The following SAXO1 variants were observed in gnomAD, a reference collection of about 807,000 sequenced individuals.
SAXO1 encodes the protein 4930500O09Rik.
A neutral mutation model predicts 17.5 loss-of-function variants in SAXO1; 21 were observed. That is an observed-to-expected ratio of 1.20 (90% CI 0.85 to 1.72). The LOEUF (loss-of-function observed/expected upper bound fraction) is 1.72, where lower values mean the gene tolerates loss of function less well. SAXO1 is among the 40% of genes most tolerant of loss of function. The pLI, the probability that SAXO1 is intolerant of heterozygous loss-of-function variation, is 0.00. For missense variants in SAXO1, 843 were observed against 596.0 expected (o/e 1.41, Z -4.32); for synonymous variants, 274 against 216.5 (o/e 1.27, Z -2.33).
chr9:19,024,546 A>G (rs1835393334), intron 1 of SAXO1, among the ~76,000 whole-genome samples: 1 of 152,108 alleles, frequency 6.6e-6, no homozygotes, highest in African/African-American at 2.4e-5. Flanking sequence ...ATAGATATGT[A>G]ACTAACCTGC....
chr9:19,019,431 G>A (rs918041136), intron 1 of SAXO1, among the ~76,000 whole-genome samples: 5 of 152,008 alleles, frequency 3.3e-5, no homozygotes, highest in African/African-American at 1.2e-4. Flanking sequence ...ACAAGAGTCA[G>A]AAAAAGTATA....
Position 19,029,798 on chromosome 9 carries a change from T to C in SAXO1, c.38+3073A>G, listed in dbSNP as rs994990520. On this transcript the variant is annotated intron_variant, in intron 1 of 3. Transcript: ENST00000380534. ...TTTATTTAACTTTCATTTATTTAAA[T>C]GAAATTGCCACAGCTGGCTACCATA... Among the ~76,000 whole-genome samples, 3 of 152,326 alleles carry C rather than the reference T, an allele frequency of 2.0e-5. No homozygotes were observed. The South Asian group carries it at 6.2e-4, about 32-fold the overall frequency.
chr9:19,018,343 T>C (rs959714128), intron 1 of SAXO1, among the ~76,000 whole-genome samples: 1 of 152,184 alleles, frequency 6.6e-6, no homozygotes, highest in Non-Finnish European at 1.5e-5. Flanking sequence ...CAGGAAGTCT[T>C]GATTCATGTA....
intron 1 of SAXO1, among the ~76,000 whole-genome samples, chr9:18,973,960 T>A (rs73645548): frequency 0.018 from 2,729 of 152,332 alleles, 68 homozygotes; most frequent in African/African-American, 0.06. Context: ...TGTACATACT[T>A]CCTTGCCTTA....
chr9:18,995,536 G>C (rs980360669), intron 1 of SAXO1, among the ~76,000 whole-genome samples: 1 of 152,098 alleles, frequency 6.6e-6, no homozygotes, highest in Non-Finnish European at 1.5e-5. Flanking sequence ...AGAACACAAG[G>C]GGATGCTGCT....
intron 1 of SAXO1, among the ~76,000 whole-genome samples, chr9:19,003,591 A>C (rs373915592): frequency 6.6e-6 from 1 of 152,194 alleles, no homozygotes; most frequent in African/African-American, 2.4e-5. Flanking sequence ...ATAACACTAC[A>C]CATCTACAAC....
chr9:19,038,706 T>C (rs1040009588), intron 1 of SAXO1, among the ~76,000 whole-genome samples: 2 of 151,476 alleles, frequency 1.3e-5, no homozygotes, highest in Admixed American at 6.6e-5. Context: ...TGTATACATA[T>C]GTAACTAACC....
At chr9:18,977,515 C>G (rs544799898) in intron 1 of SAXO1, among the ~76,000 whole-genome samples, 12 of 152,082 alleles carry the variant, frequency 7.9e-5, no homozygotes, top group Non-Finnish European at 1.5e-4. Context: ...AGATATATAG[C>G]TGATAAGGGG....
intron 2 of SAXO1, among the ~76,000 whole-genome samples, chr9:18,942,112 G>A (rs949262127): frequency 7.5e-6 from 1 of 133,788 alleles, no homozygotes; most frequent in Non-Finnish European, 1.5e-5. Context: ...CACCTCATTG[G>A]TTTTTCTTTC....
chr9:19,021,350 G>C (rs558113933), intron 1 of SAXO1, among the ~76,000 whole-genome samples: 1 of 152,226 alleles, frequency 6.6e-6, no homozygotes, highest in African/African-American at 2.4e-5. Flanking sequence ...TAAGGTCCGA[G>C]AAAGACACAT....
At chr9:18,978,749 A>C (rs1471716481) in intron 1 of SAXO1, among the ~76,000 whole-genome samples, 2 of 152,242 alleles carry the variant, frequency 1.3e-5, no homozygotes, top group African/African-American at 4.8e-5. Flanking sequence ...GGAAGATATT[A>C]TCAACAGTTT....
chr9:19,022,070 A>G (rs1041182066), intron 1 of SAXO1, among the ~76,000 whole-genome samples: 2 of 152,180 alleles, frequency 1.3e-5, no homozygotes, highest in East Asian at 1.9e-4. Flanking sequence ...GGTCCGCACT[A>G]TCTTTATGAG....
At chr9:18,964,318 A>G (rs1300380765) in intron 1 of SAXO1, among the ~76,000 whole-genome samples, 1 of 151,896 alleles carries the variant, frequency 6.6e-6, no homozygotes, top group East Asian at 1.9e-4. Flanking sequence ...CTCTTTTTCT[A>G]TTGTTTGGAA....
At chr9:18,965,375 G>C (rs1832673453) in intron 1 of SAXO1, among the ~76,000 whole-genome samples, 1 of 152,106 alleles carries the variant, frequency 6.6e-6, no homozygotes, top group African/African-American at 2.4e-5. Context: ...CTATTATTGT[G>C]TGCAAGTCTA....
chr9:18,965,460 ATAGT>A (rs1832676745), intron 1 of SAXO1, among the ~76,000 whole-genome samples: 1 of 152,118 alleles, frequency 6.6e-6, no homozygotes, highest in Admixed American at 6.6e-5. Context: ...TATATTTAGG[ATAGT>A]TAGCTCTTCT....
chr9:19,009,853 G>T (rs1442255596), intron 1 of SAXO1, among the ~76,000 whole-genome samples: 1 of 148,364 alleles, frequency 6.7e-6, no homozygotes, highest in Non-Finnish European at 1.5e-5. Context: ...TTGAGACAAG[G>T]TCTTGCTCTG....
intron 1 of SAXO1, among the ~76,000 whole-genome samples, chr9:19,008,866 A>T (rs1441620211): frequency 6.6e-6 from 1 of 152,132 alleles, no homozygotes; most frequent in Non-Finnish European, 1.5e-5. Context: ...GTTCTCTGGG[A>T]GCCCTTTTCA....
At position 18,966,218 on chromosome 9, in the gene SAXO1, TG is replaced by T. The variant is rs376016031; in HGVS notation, c.39-15282del. Among the ~76,000 whole-genome samples, 24 of 152,304 alleles carry T rather than the reference TG, an allele frequency of 1.6e-4. No homozygotes were observed. In the East Asian group the frequency reaches 4.0e-3, roughly 26 times the overall value. On this transcript the variant is annotated intron_variant, in intron 1 of 3. Transcript: ENST00000380534. ...TGGTCAATCTGATGATTATGTGTCT[TG>T]GGGTTGCTCTTCTTGTGGAGTATCT... is the stretch of plus-strand genomic sequence containing the variant.
intron 1 of SAXO1, among the ~76,000 whole-genome samples, chr9:18,952,340 T>C (rs1832068251): frequency 6.6e-6 from 1 of 152,186 alleles, no homozygotes; most frequent in African/African-American, 2.4e-5. Context: ...GGGAAGTACA[T>C]GGGGGAAGGG....
Sources: allele counts gnomAD v4.1 joint callset (sites outside exome capture counted in the v4.1 genomes callset), GRCh38; gene constraint gnomAD v4.1.1; transcripts MANE v1.5; gene names NCBI Gene and HGNC (gene_info 2026-07-23, HGNC 2026-07-21).